LHPP: variants seen among roughly 807,000 people sequenced by gnomAD.
LHPP encodes phospholysine phosphohistidine inorganic pyrophosphate phosphatase.
Under a neutral mutation model 30.3 loss-of-function variants are expected in LHPP, and 24 were observed. The observed-to-expected ratio is 0.79, with a 90% CI of 0.57 to 1.11. The LOEUF (loss-of-function observed/expected upper bound fraction) is 1.11. LHPP is among the 50% of genes most tolerant of loss of function. LHPP has a pLI of 0.00. For synonymous variants in LHPP, 150 were observed against 157.1 expected (o/e 0.95, Z 0.34); for missense variants, 356 against 367.2 (o/e 0.97, Z 0.25).
intron 6 of LHPP, among the ~76,000 whole-genome samples, chr10:124,544,695 C>G (rs968242038): frequency 2.0e-5 from 3 of 152,192 alleles, no homozygotes. Context: ...GCTCTGTGGC[C>G]GGCTGAGTGG....
intron 6 of LHPP, among the ~76,000 whole-genome samples, chr10:124,584,608 T>C (rs943799361): frequency 4.6e-5 from 7 of 152,158 alleles, no homozygotes; most frequent in Admixed American, 2.0e-4. Context: ...AGAGCCCTCA[T>C]GACTGAATCA....
At chr10:124,476,250 A>G (rs533075250) in intron 1 of LHPP, among the ~76,000 whole-genome samples, 2 of 152,132 alleles carry the variant, frequency 1.3e-5, no homozygotes, top group East Asian at 1.9e-4. Context: ...TCTCCATTCA[A>G]ACTTTGGACT....
intron 5 of LHPP, among the ~76,000 whole-genome samples, chr10:124,507,897 G>A (rs372505216): frequency 3.7e-5 from 4 of 107,248 alleles, no homozygotes; most frequent in Admixed American, 9.0e-5. Flanking sequence ...TTCAGGTCGG[G>A]GGGGTAGACA....
chr10:124,557,979 C>G (rs995988812), intron 6 of LHPP, among the ~76,000 whole-genome samples: 4 of 152,262 alleles, frequency 2.6e-5, no homozygotes, highest in Admixed American at 2.6e-4. Flanking sequence ...GTCCTGACAC[C>G]GTGACACTGC....
At chr10:124,470,728 A>G (rs945333964) in intron 1 of LHPP, among the ~76,000 whole-genome samples, 8 of 151,992 alleles carry the variant, frequency 5.3e-5, no homozygotes, top group Admixed American at 2.0e-4. Context: ...CTTCATCTCT[A>G]TTGCCTCATC....
intron 5 of LHPP, among the ~76,000 whole-genome samples, chr10:124,509,338 C>T (rs2133898893): frequency 6.6e-6 from 1 of 152,310 alleles, no homozygotes. Context: ...GGAGATGAGG[C>T]TGCTTCCAGT....
chr10:124,463,605 C>T (rs1452905476), intron 1 of LHPP, among the ~76,000 whole-genome samples: 2 of 152,056 alleles, frequency 1.3e-5, no homozygotes, highest in Non-Finnish European at 2.9e-5. Context: ...TCAACTGATC[C>T]ACCTGCCTGG....
chr10:124,503,531 G>A (rs946196345), intron 5 of LHPP, among the ~76,000 whole-genome samples: 1 of 151,906 alleles, frequency 6.6e-6, no homozygotes, highest in Non-Finnish European at 1.5e-5. Flanking sequence ...CCAAGTGGAC[G>A]CTCTTTGAAT....
chr10:124,514,270 G>T (rs77712066), intron 5 of LHPP, among the ~76,000 whole-genome samples: 2,738 of 152,272 alleles, frequency 0.018, 68 homozygotes, highest in East Asian at 0.11. Flanking sequence ...GCAGGCAGAA[G>T]GTCAGCACGT....
At chr10:124,557,993 T>C (rs1206157246) in intron 6 of LHPP, among the ~76,000 whole-genome samples, 1 of 152,130 alleles carries the variant, frequency 6.6e-6, no homozygotes, top group African/African-American at 2.4e-5. Flanking sequence ...ACACTGCGCA[T>C]GGTCACATGG....
chr10:124,601,048 T>G lies in LHPP; in HGVS notation c.717-12216T>G, dbSNP rs531681544. Among the ~76,000 whole-genome samples, 28 of 151,876 alleles carry G rather than the reference T, an allele frequency of 1.8e-4. No individual in the cohort carries two copies. The South Asian group carries it at 5.4e-3, about 29-fold the overall frequency. ...GAGGCAAGGGTTGGAGGGAGGAAGG[T>G]TTCAGGGAAGACTTCCTGGAGGAGG... On this transcript the variant is annotated intron_variant, in intron 6 of 6. Transcript: ENST00000368842.
chr10:124,563,304 TCTC>T (rs1948428182), intron 6 of LHPP, among the ~76,000 whole-genome samples: 1 of 42,952 alleles, frequency 2.3e-5, no homozygotes, highest in South Asian at 1.0e-3. Flanking sequence ...AATCTCTCTC[TCTC>T]TTTTTCTTTT....
intron 6 of LHPP, among the ~76,000 whole-genome samples, chr10:124,537,938 G>A (rs1955071429): frequency 6.6e-6 from 1 of 152,248 alleles, no homozygotes; most frequent in Non-Finnish European, 1.5e-5. Flanking sequence ...AGGGGCCATG[G>A]TGGACAGGAG....
intron 6 of LHPP, among the ~76,000 whole-genome samples, chr10:124,570,550 G>T (rs1423500357): frequency 6.6e-6 from 1 of 152,128 alleles, no homozygotes; most frequent in Non-Finnish European, 1.5e-5. Context: ...ACAATGCTGT[G>T]CAACTATCAC....
intron 6 of LHPP, among the ~76,000 whole-genome samples, chr10:124,520,609 T>C (rs1234911657): frequency 6.6e-6 from 1 of 152,208 alleles, no homozygotes; most frequent in Admixed American, 6.5e-5. Flanking sequence ...TTTGTTAACA[T>C]GCAGGACAAA....
intron 6 of LHPP, among the ~76,000 whole-genome samples, chr10:124,572,712 A>G (rs1016476451): frequency 7.2e-6 from 1 of 138,194 alleles, no homozygotes; most frequent in East Asian, 2.4e-4. Flanking sequence ...GGAGGGAGGG[A>G]GAAAGGAGGA....
chr10:124,578,115 T>C (rs571167010), intron 6 of LHPP, among the ~76,000 whole-genome samples: 2 of 152,122 alleles, frequency 1.3e-5, no homozygotes, highest in Non-Finnish European at 2.9e-5. Context: ...CTTCCTCCCA[T>C]AGACACATTT....
chr10:124,526,273 C>T, intron 6 of LHPP: 1 of 979,848 alleles, frequency 1.0e-6, no homozygotes, highest in South Asian at 4.7e-5. Flanking sequence ...AGGTATGCCT[C>T]ATGGCGGGGC....
rs141786334 is a variant in LHPP, at chr10:124,461,842, T to C, written c.-21T>C. On this transcript the variant is annotated 5_prime_UTR_variant, in exon 1 of 7. Coordinates refer to ENST00000368842, the MANE Select transcript of LHPP (RefSeq NM_022126.4). Reference sequence around the variant, plus strand: ...GCCGGCGTCGGTTGGGACGCGGAGCTGAGGAGCAGGGCCGGGCGCCATGGC... The same window carrying C: ...GCCGGCGTCGGTTGGGACGCGGAGCCGAGGAGCAGGGCCGGGCGCCATGGC... The C allele has an allele frequency of 0.032, 39,210 of 1,234,344 alleles. 2,821 individuals are homozygous for C. The highest frequency in any genetic ancestry group is 0.28 in the African/African-American group (17,915 of 64,402). 76.5% of individuals were successfully genotyped at this position (1,234,344 alleles called of 1,614,324 possible).
Sources: gnomAD v4.1 joint callset for allele counts (sites outside exome capture counted in the v4.1 genomes callset) on GRCh38, gnomAD v4.1.1 for gene constraint, MANE v1.5 for transcripts, NCBI Gene and HGNC (gene_info 2026-07-23, HGNC 2026-07-21) for gene names.